ASB15: variants seen among roughly 807,000 people sequenced by gnomAD.
ASB15 encodes ankyrin repeat and SOCS box protein 15.
In ASB15, 54 loss-of-function variants were observed where a neutral mutation model predicts 58.0. The ratio of observed to expected loss-of-function variants is 0.93; its 90% CI spans 0.75 to 1.17. The LOEUF (loss-of-function observed/expected upper bound fraction) is 1.17. Among genes scored for constraint, ASB15 ranks in the 50% most tolerant of loss-of-function variants. The pLI is 0.00. For missense variants in ASB15, 680 were observed against 707.4 expected (o/e 0.96, Z 0.44); for synonymous variants, 249 against 262.4 (o/e 0.95, Z 0.50).
intron 11 of ASB15, 137 bp from the exon 12 acceptor site, chr7:123,636,672 C>T: frequency 2.8e-6 from 2 of 702,048 alleles, no homozygotes; most frequent in South Asian, 2.2e-5. Flanking sequence ...TTGAATTTCA[C>T]TTAAAATCAC....
At chr7:123,614,683 C>T (rs1044628543) in intron 4 of ASB15, 74 bp downstream of exon 4, 23 of 967,626 alleles carry the variant, frequency 2.4e-5, no homozygotes, top group Non-Finnish European at 3.4e-5. Flanking sequence ...AAATGAATAC[C>T]GTTTCCTAAT....
At chr7:123,594,550 G>A (rs1261162967) in intron 1 of ASB15, among the ~76,000 whole-genome samples, 1 of 152,140 alleles carries the variant, frequency 6.6e-6, no homozygotes, top group African/African-American at 2.4e-5. Flanking sequence ...TCAGCTGCAA[G>A]TCTGTTGGAG....
At chr7:123,571,368 G>A (rs976065108) in intron 1 of ASB15, among the ~76,000 whole-genome samples, 1 of 152,110 alleles carries the variant, frequency 6.6e-6, no homozygotes, top group Non-Finnish European at 1.5e-5. Context: ...ATGAGTTAAG[G>A]AAGAACAATA....
At chr7:123,588,520 CCTTT>C (rs533303990) in intron 1 of ASB15, among the ~76,000 whole-genome samples, 83 of 149,646 alleles carry the variant, frequency 5.5e-4, no homozygotes, top group Admixed American at 3.5e-3. Context: ...CTCTGATTTT[CCTTT>C]CTTTCTTTCT....
At chr7:123,601,726 T>A (rs1426991830), upstream of ASB15, 1 of 152,110 alleles carries the variant, frequency 6.6e-6, no homozygotes, top group East Asian at 1.9e-4. Flanking sequence ...TCTAGAGAAG[T>A]CATGGGTAAT....
chr7:123,574,423 C>T (rs1799005718), intron 1 of ASB15, among the ~76,000 whole-genome samples: 1 of 152,078 alleles, frequency 6.6e-6, no homozygotes, highest in Admixed American at 6.6e-5. Flanking sequence ...TGATCCTATC[C>T]CCAGGCCCCC....
At chr7:123,624,162 T>C (rs531212523) in intron 7 of ASB15, among the ~76,000 whole-genome samples, 1 of 152,290 alleles carries the variant, frequency 6.6e-6, no homozygotes, top group East Asian at 1.9e-4. Context: ...AATAGCCAGT[T>C]ACTGAGCTCC....
At chr7:123,602,885 C>T (rs988723551) in intron 1 of ASB15, among the ~76,000 whole-genome samples, 3 of 152,056 alleles carry the variant, frequency 2.0e-5, no homozygotes, top group Admixed American at 1.3e-4. Context: ...GATGACTGGG[C>T]TATATCCCAC....
At chr7:123,627,766 T>C (rs1801891048) in intron 9 of ASB15, among the ~76,000 whole-genome samples, 1 of 152,340 alleles carries the variant, frequency 6.6e-6, no homozygotes, top group Non-Finnish European at 1.5e-5. Flanking sequence ...TTTTATTCCA[T>C]ACGAACGGTT....
At chr7:123,595,454 T>A (rs139943228) in intron 1 of ASB15, among the ~76,000 whole-genome samples, 10 of 152,228 alleles carry the variant, frequency 6.6e-5, no homozygotes, top group African/African-American at 2.4e-4. Flanking sequence ...TCAGCACAGA[T>A]GTGTTCCCTC....
intron 1 of ASB15, among the ~76,000 whole-genome samples, chr7:123,586,754 A>C (rs1020930459): frequency 6.6e-6 from 1 of 151,492 alleles, no homozygotes; most frequent in Admixed American, 6.6e-5. Context: ...ATAAGGGTTA[A>C]TTTCATATAT....
Position 123,616,476 on chromosome 7 carries a change from A to C in ASB15, c.273A>C (p.Ile91=), listed in dbSNP as rs1221294587. 9 of 1,612,796 alleles carry C rather than the reference A, an allele frequency of 5.6e-6. No individual in the cohort carries two copies. Among genetic ancestry groups the C allele is most frequent in the Non-Finnish European group, 6.8e-6 (8 of 1,179,230 alleles). Residue 91 remains isoleucine (I), a synonymous_variant, in exon 6 of 12, where the codon ATA becomes ATC. Coordinates refer to ENST00000451215, the MANE Select transcript of ASB15 (RefSeq NM_001290258.2). The part of the protein sequence containing the change: ...HEAVVQPIQQ[I]LEIVLDASYK... ...CTGTTGTTCAACCCATTCAACAAAT[A>C]CTTGAGATTGTTCTGGATGGTAAGA...
chr7:123,573,586 C>T (rs1798978350), intron 1 of ASB15, among the ~76,000 whole-genome samples: 2 of 152,032 alleles, frequency 1.3e-5, no homozygotes, highest in Admixed American at 6.5e-5. Flanking sequence ...CCCAAACACT[C>T]CAGTTTATAA....
rs1800811543 is a variant in ASB15 at position 123,616,290 on chromosome 7, T to C, written c.160+17T>C. The C allele has an allele frequency of 6.2e-7, 1 of 1,609,904 alleles. No individual in the cohort carries two copies. The highest frequency in any genetic ancestry group is 8.5e-7 in the Non-Finnish European group (1 of 1,176,336). On this transcript the variant is annotated intron_variant, in intron 5 of 11. Coordinates refer to ENST00000451215, the MANE Select transcript of ASB15 (RefSeq NM_001290258.2). ...TAAAACAAGGTAAATGGGTGTACTA[T>C]CTACAGTGGGATGGACTGGAGATTC...
Position 123,629,176 on chromosome 7 carries a change from A to G in ASB15, c.1182A>G (p.Glu394=), listed in dbSNP as rs1179833663. ...LLVAVRANNY[E]IVRLLLSHGA... ...TTGCAGTGAGGGCCAATAATTATGA[A>G]ATTGTCAGGCTGCTTCTCTCCCATG... The change falls in exon 10 of 12, where the codon GAA becomes GAG. Residue 394 remains glutamate (E), a synonymous_variant. Transcript: ENST00000451215. The G allele has an allele frequency of 6.2e-7, 1 of 1,614,036 alleles. No individual in the cohort carries two copies. Among genetic ancestry groups the G allele is most frequent in the Admixed American group, 1.7e-5 (1 of 60,010 alleles).
Position 123,618,950 on chromosome 7 carries a change from C to T in ASB15, c.451+1213C>T, listed in dbSNP as rs1012417801. Among the ~76,000 whole-genome samples the T allele has an allele frequency of 2.0e-5, 3 of 151,782 alleles. No individual in the cohort carries two copies. The South Asian group carries it at 6.3e-4, about 32-fold the overall frequency. On this transcript the variant is annotated intron_variant, in intron 7 of 11. Transcript: ENST00000451215. ...CAGCACTTTGGGAGGCCAAGGTGGG[C>T]GAATCACGAGGTCAGGAGTTCAAGA...
At chr7:123,631,537 C>T (rs981611633) in intron 11 of ASB15, among the ~76,000 whole-genome samples, 2 of 152,110 alleles carry the variant, frequency 1.3e-5, no homozygotes, top group African/African-American at 2.4e-5. Context: ...TTGAAAACCA[C>T]TTCTCTAAGT....
Position 123,630,025 on chromosome 7 carries a change from A to T in ASB15, c.1500A>T (p.Val500=). The part of the protein sequence containing the change: ...MKHLVGRVTR[V]LIDYMDYVPL... ...ACTTGGTAGGCAGAGTTACTCGTGTACTAATAGATTACATGGATTATGTTC... is the reference window on the plus strand; with the variant it reads ...ACTTGGTAGGCAGAGTTACTCGTGTTCTAATAGATTACATGGATTATGTTC... Residue 500 remains valine, a synonymous_variant, in exon 11 of 12, where the codon GTA becomes GTT. Coordinates refer to ENST00000451215, the MANE Select transcript of ASB15 (RefSeq NM_001290258.2). 6.2e-7 allele frequency: 1 copy of T among 1,604,126 alleles called. No individual in the cohort carries two copies.
chr7:123,589,502 G>A (rs1409193558), intron 1 of ASB15, among the ~76,000 whole-genome samples: 1 of 151,874 alleles, frequency 6.6e-6, no homozygotes, highest in African/African-American at 2.4e-5. Flanking sequence ...CCTGGTGTGT[G>A]ATGTTCCCTT....
Sources: allele counts gnomAD v4.1 joint callset (sites outside exome capture counted in the v4.1 genomes callset), GRCh38; gene constraint gnomAD v4.1.1; transcripts MANE v1.5; gene names NCBI Gene and HGNC (gene_info 2026-07-23, HGNC 2026-07-21).